The following ANO2 variants were observed in gnomAD, a reference collection of about 807,000 sequenced individuals.
ANO2 encodes anoctamin 2.
Under a neutral mutation model 124.2 loss-of-function variants are expected in ANO2, and 101 were observed. The observed-to-expected ratio is 0.81, with a 90% CI of 0.69 to 0.96. The LOEUF (loss-of-function observed/expected upper bound fraction) is 0.96, where lower values mean the gene tolerates loss of function less well. Ranked by LOEUF, ANO2 falls within the 40% of genes least tolerant of loss-of-function variation. ANO2 has a pLI of 0.00. For synonymous variants in ANO2, 486 were observed against 482.5 expected, an observed-to-expected ratio of 1.01 and a Z score of -0.09; for missense variants, 1,293 against 1,274.5, an observed-to-expected ratio of 1.01 and a Z score of -0.22.
chr12:5,672,916 C>G (rs1479339753), intron 14 of ANO2, among the ~76,000 whole-genome samples: 1 of 152,130 alleles, frequency 6.6e-6, no homozygotes, highest in Non-Finnish European at 1.5e-5. Context: ...TTAGGAGGCC[C>G]TTCCCACGAA....
chr12:5,592,892 A>T (rs1219734402), intron 20 of ANO2, among the ~76,000 whole-genome samples: 1 of 152,200 alleles, frequency 6.6e-6, no homozygotes, highest in Non-Finnish European at 1.5e-5. Flanking sequence ...AGAAGCTCAG[A>T]CTTGCCATTT....
At chr12:5,909,272 T>C (rs1940892125) in intron 3 of ANO2, among the ~76,000 whole-genome samples, 1 of 152,226 alleles carries the variant, frequency 6.6e-6, no homozygotes, top group Admixed American at 6.5e-5. Flanking sequence ...AAGTACTTAC[T>C]GGCAGGCAAG....
At chr12:5,783,915 C>T (rs980305860) in intron 10 of ANO2, among the ~76,000 whole-genome samples, 1 of 152,172 alleles carries the variant, frequency 6.6e-6, no homozygotes, top group South Asian at 2.1e-4. Context: ...TAACTAGGGG[C>T]AACTTTTCCT....
chr12:5,620,359 C>G (rs994728406), intron 16 of ANO2, among the ~76,000 whole-genome samples: 2 of 152,210 alleles, frequency 1.3e-5, no homozygotes, highest in Non-Finnish European at 2.9e-5. Flanking sequence ...GGACCCACAG[C>G]CCTGGGAAGG....
At chr12:5,566,162 G>T (rs1007354045) in intron 23 of ANO2, among the ~76,000 whole-genome samples, 1 of 152,314 alleles carries the variant, frequency 6.6e-6, no homozygotes, top group East Asian at 1.9e-4. Flanking sequence ...AGAGGGGCTG[G>T]CCTTGCTTCA....
intron 14 of ANO2, among the ~76,000 whole-genome samples, chr12:5,674,366 C>G (rs1268813755): frequency 1.3e-5 from 2 of 152,136 alleles, no homozygotes; most frequent in Middle Eastern, 3.2e-3. Context: ...GAACTGGGCT[C>G]TCATCCTAAT....
intron 23 of ANO2, among the ~76,000 whole-genome samples, chr12:5,574,627 T>A (rs866054734): frequency 6.6e-6 from 1 of 152,148 alleles, no homozygotes; most frequent in Non-Finnish European, 1.5e-5. Context: ...AAATAGCTCA[T>A]CTTCTCCTCT....
chr12:5,923,142 ATG>A (rs1362547823), intron 1 of ANO2, among the ~76,000 whole-genome samples: 5 of 88,588 alleles, frequency 5.6e-5, no homozygotes, highest in Non-Finnish European at 1.0e-4. Context: ...ATACACACAC[ATG>A]CACACATACA....
intron 15 of ANO2, among the ~76,000 whole-genome samples, chr12:5,639,341 T>C (rs1448359161): frequency 6.6e-6 from 1 of 152,194 alleles, no homozygotes; most frequent in Non-Finnish European, 1.5e-5. Flanking sequence ...CAGTCATTCA[T>C]AAAATGTGTC....
intron 4 of ANO2, among the ~76,000 whole-genome samples, chr12:5,849,682 G>C (rs114468172): frequency 6.6e-6 from 1 of 152,074 alleles, no homozygotes; most frequent in Non-Finnish European, 1.5e-5. Flanking sequence ...CAATGGATTT[G>C]TCCAGGTTTG....
intron 3 of ANO2, among the ~76,000 whole-genome samples, chr12:5,857,285 A>T (rs1274914575): frequency 5.3e-5 from 8 of 152,352 alleles, no homozygotes; most frequent in African/African-American, 1.7e-4. Flanking sequence ...CAAGTTAGAC[A>T]GAACAAGATC....
At chr12:5,814,232 C>A (rs1953528616) in intron 7 of ANO2, among the ~76,000 whole-genome samples, 1 of 152,252 alleles carries the variant, frequency 6.6e-6, no homozygotes, top group Non-Finnish European at 1.5e-5. Context: ...GGTTACAACG[C>A]CGTCCCTGGC....
At chr12:5,634,023 G>A (rs542181296) in intron 16 of ANO2, among the ~76,000 whole-genome samples, 19 of 152,216 alleles carry the variant, frequency 1.2e-4, no homozygotes, top group African/African-American at 4.1e-4. Flanking sequence ...ATGTTCTTCC[G>A]AAGTGCTTCC....
chr12:5,788,194 A>G (rs1952591838), intron 10 of ANO2, among the ~76,000 whole-genome samples: 1 of 152,224 alleles, frequency 6.6e-6, no homozygotes, highest in East Asian at 1.9e-4. Context: ...ACTAAACACA[A>G]TCCACAGCCC....
At chr12:5,714,257 C>G (rs1949931511) in intron 14 of ANO2, among the ~76,000 whole-genome samples, 1 of 152,230 alleles carries the variant, frequency 6.6e-6, no homozygotes, top group African/African-American at 2.4e-5. Context: ...GTCCGAGTCT[C>G]TGAGTCTAAA....
chr12:5,704,833 C>G (rs924684184), intron 14 of ANO2, among the ~76,000 whole-genome samples: 1 of 152,096 alleles, frequency 6.6e-6, no homozygotes, highest in Non-Finnish European at 1.5e-5. Context: ...TATGAAGGAA[C>G]TGCATGCAAA....
chr12:5,693,429 G>C (rs73037408), intron 14 of ANO2, among the ~76,000 whole-genome samples: 18,108 of 152,046 alleles, frequency 0.12, 1,219 homozygotes, highest in African/African-American at 0.18. Context: ...CCATCTCCGT[G>C]GCTCCTACCC....
intron 16 of ANO2, among the ~76,000 whole-genome samples, chr12:5,622,861 G>A (rs1945187072): frequency 6.6e-6 from 1 of 151,930 alleles, no homozygotes; most frequent in Non-Finnish European, 1.5e-5. Flanking sequence ...CTACTCGGGA[G>A]GCTGAGGCGT....
intron 10 of ANO2, among the ~76,000 whole-genome samples, chr12:5,775,280 CAG>C (rs140979068): frequency 5.5e-4 from 82 of 149,250 alleles, no homozygotes; most frequent in Non-Finnish European, 6.7e-4. Context: ...TGCACACACA[CAG>C]AGAGAGAGAG....
Sources: gnomAD v4.1 joint callset for allele counts (sites outside exome capture counted in the v4.1 genomes callset) on GRCh38, gnomAD v4.1.1 for gene constraint, MANE v1.5 for transcripts, NCBI Gene and HGNC (gene_info 2026-07-23, HGNC 2026-07-21) for gene names.